Variants in TACR3 observed in about 807,000 individuals in gnomAD.
TACR3 encodes neuromedin-K receptor.
Under a neutral mutation model 35.0 loss-of-function variants are expected in TACR3, and 34 were observed. That is an observed-to-expected ratio of 0.97 (90% CI 0.74 to 1.30). The LOEUF is 1.30. Among genes scored for constraint, TACR3 ranks in the 50% most tolerant of loss-of-function variants. The probability of loss-of-function intolerance (pLI) is 0.00; values close to 1 mark genes in which losing one functional copy is unlikely to be tolerated. For missense variants in TACR3, 558 were observed against 591.7 expected (o/e 0.94, Z 0.59); for synonymous variants, 233 against 221.1 (o/e 1.05, Z -0.48).
At chr4:103,643,267 T>C (rs1725394731) in intron 3 of TACR3, among the ~76,000 whole-genome samples, 2 of 151,880 alleles carry the variant, frequency 1.3e-5, no homozygotes, top group Admixed American at 1.3e-4. Flanking sequence ...GTGGCTACTG[T>C]GTTGGATAGT....
chr4:103,643,046 C>T (rs768151557), intron 3 of TACR3, among the ~76,000 whole-genome samples: 4 of 151,812 alleles, frequency 2.6e-5, no homozygotes, highest in East Asian at 1.9e-4. Flanking sequence ...TACATTATCA[C>T]AATAAATGGG....
At chr4:103,669,494 C>A (rs139633304) in intron 1 of TACR3, among the ~76,000 whole-genome samples, 2 of 152,098 alleles carry the variant, frequency 1.3e-5, no homozygotes, top group Non-Finnish European at 2.9e-5. Context: ...TCTGCATCCT[C>A]ATCAGCATCT....
intron 3 of TACR3, among the ~76,000 whole-genome samples, chr4:103,627,596 A>G (rs992232018): frequency 5.3e-5 from 8 of 152,122 alleles, no homozygotes; most frequent in African/African-American, 1.7e-4. Flanking sequence ...AGAGCTAACT[A>G]TCCTAAATAT....
chr4:103,697,534 C>T (rs1488225338), intron 1 of TACR3, among the ~76,000 whole-genome samples: 1 of 152,006 alleles, frequency 6.6e-6, no homozygotes, highest in Non-Finnish European at 1.5e-5. Context: ...ACTCCATTCT[C>T]CTGCCTCAGC....
chr4:103,606,347 T>C (rs1362486389), intron 3 of TACR3, among the ~76,000 whole-genome samples: 1 of 152,192 alleles, frequency 6.6e-6, no homozygotes, highest in Non-Finnish European at 1.5e-5. Context: ...AGTAGTTTTT[T>C]CCAATTCTGT....
At chr4:103,595,190 G>C (rs1459158295) in intron 3 of TACR3, among the ~76,000 whole-genome samples, 3 of 152,202 alleles carry the variant, frequency 2.0e-5, no homozygotes, top group Admixed American at 2.0e-4. Context: ...AATGGTACTA[G>C]TGCAGGCAGG....
intron 1 of TACR3, among the ~76,000 whole-genome samples, chr4:103,698,357 C>T (rs1016915439): frequency 6.6e-6 from 1 of 152,034 alleles, no homozygotes; most frequent in Non-Finnish European, 1.5e-5. Flanking sequence ...AAGTGCCTAG[C>T]ATCTTTTGTT....
intron 1 of TACR3, among the ~76,000 whole-genome samples, chr4:103,666,424 G>A (rs1578249312): frequency 6.6e-6 from 1 of 152,166 alleles, no homozygotes; most frequent in African/African-American, 2.4e-5. Context: ...GGAAAAAACA[G>A]GTGGTACTGA....
At chr4:103,594,100 A>T (rs1723951959) in intron 3 of TACR3, among the ~76,000 whole-genome samples, 1 of 152,170 alleles carries the variant, frequency 6.6e-6, no homozygotes, top group African/African-American at 2.4e-5. Flanking sequence ...GGACATGTGT[A>T]TGTAAAATAA....
intron 3 of TACR3, among the ~76,000 whole-genome samples, chr4:103,629,861 CAAAAAAAAAA>C (rs1560814015): frequency 4.1e-5 from 4 of 98,520 alleles, no homozygotes; most frequent in Non-Finnish European, 8.3e-5. Flanking sequence ...AAAAAAAAAA[CAAAAAAAAAA>C]CAAAAAAAAC....
Position 103,650,722 on chromosome 4 carries a change from TAA to T in TACR3, c.888+5470_888+5471del, listed in dbSNP as rs1334052007. On this transcript the variant is annotated intron_variant, in intron 3 of 4. Coordinates refer to ENST00000304883, the MANE Select transcript of TACR3 (RefSeq NM_001059.3). ...ATTTATATATATAAATATATATAAA[TAA>T]ATATATATTATATCATATATAATAT... 1.6e-3 allele frequency among the ~76,000 whole-genome samples: 89 copies of T among 55,732 alleles called. 4 individuals carry two copies. Among genetic ancestry groups the T allele is most frequent in the African/African-American group, 0.015 (87 of 5,932 alleles). 36.6% of individuals were successfully genotyped at this position (55,732 alleles called of 152,430 possible).
chr4:103,614,882 G>GTTTTTTTTTTTTTTTT (rs1325226834), intron 3 of TACR3, among the ~76,000 whole-genome samples: 1 of 90,818 alleles, frequency 1.1e-5, no homozygotes, highest in Non-Finnish European at 2.2e-5. Context: ...GATTATGAAT[G>GTTTTTTTTTTTTTTTT]TGTTTTTTTT....
chr4:103,703,454 G>T (rs1017539124), intron 1 of TACR3, among the ~76,000 whole-genome samples: 1 of 152,090 alleles, frequency 6.6e-6, no homozygotes, highest in African/African-American at 2.4e-5. Context: ...TCAACATTCA[G>T]AGAAAATTCA....
chr4:103,592,972 C>A (rs1723926869), intron 3 of TACR3, among the ~76,000 whole-genome samples: 1 of 152,164 alleles, frequency 6.6e-6, no homozygotes, highest in Non-Finnish European at 1.5e-5. Context: ...TCCAGGTCAA[C>A]AGCTCACAAA....
chr4:103,674,627 C>G (rs550191496), intron 1 of TACR3, among the ~76,000 whole-genome samples: 5 of 152,340 alleles, frequency 3.3e-5, no homozygotes, highest in Admixed American at 2.0e-4. Context: ...TCTCAGCTCA[C>G]TGCAACCTCT....
intron 3 of TACR3, among the ~76,000 whole-genome samples, chr4:103,630,490 A>C (rs1180741262): frequency 6.6e-6 from 1 of 152,238 alleles, no homozygotes; most frequent in Non-Finnish European, 1.5e-5. Flanking sequence ...ATTTACAAGA[A>C]TAAAACAACC....
At chr4:103,647,408 A>AG (rs1725486500) in intron 3 of TACR3, among the ~76,000 whole-genome samples, 1 of 151,912 alleles carries the variant, frequency 6.6e-6, no homozygotes, top group African/African-American at 2.4e-5. Context: ...TGTAAGCATT[A>AG]ATATAACTTG....
intron 1 of TACR3, among the ~76,000 whole-genome samples, chr4:103,676,460 A>C (rs1726171639): frequency 6.6e-6 from 1 of 152,198 alleles, no homozygotes; most frequent in South Asian, 2.1e-4. Context: ...AGTGAAATTA[A>C]CACAGGAAGA....
At chr4:103,604,397 G>A (rs941156809) in intron 3 of TACR3, among the ~76,000 whole-genome samples, 1 of 152,128 alleles carries the variant, frequency 6.6e-6, no homozygotes, top group Non-Finnish European at 1.5e-5. Flanking sequence ...ATTCAAGATG[G>A]ATTAAAGAAT....
Sources: gnomAD v4.1 joint callset for allele counts (sites outside exome capture counted in the v4.1 genomes callset) on GRCh38, gnomAD v4.1.1 for gene constraint, MANE v1.5 for transcripts, NCBI Gene and HGNC (gene_info 2026-07-23, HGNC 2026-07-21) for gene names.